ZNF24: variants seen among roughly 807,000 people sequenced by gnomAD.
ZNF24 encodes the protein retinoic acid suppression protein A.
In ZNF24, 11 loss-of-function variants were observed where a neutral mutation model predicts 40.9. The observed-to-expected ratio is 0.27, with a 90% CI of 0.17 to 0.45. The LOEUF is 0.45. Ranked by LOEUF, ZNF24 falls within the 20% of genes least tolerant of loss-of-function variation. The probability of loss-of-function intolerance (pLI) is 1.00; values close to 1 mark genes in which losing one functional copy is unlikely to be tolerated. For missense variants in ZNF24, 293 were observed against 437.7 expected (o/e 0.67, Z 2.95); for synonymous variants, 139 against 154.7 (o/e 0.90, Z 0.75).
intron 1 of ZNF24, among the ~76,000 whole-genome samples, chr18:35,343,441 G>A (rs2044987318): frequency 6.6e-6 from 1 of 152,052 alleles, no homozygotes; most frequent in African/African-American, 2.4e-5. Flanking sequence ...GATCATGCCC[G>A]TGCTGTTGTT....
rs755796361 is a variant in ZNF24 at position 35,339,937 on chromosome 18, C to T, written c.460G>A (p.Asp154Asn). 2 of 1,613,140 alleles carry T rather than the reference C, an allele frequency of 1.2e-6. No individual in the cohort carries two copies. The highest frequency in any genetic ancestry group is 1.7e-6 in the Non-Finnish European group (2 of 1,179,176). ...RRRKREVLVE[D>N]MVSQEEAQGL... ...TGAGCTTCTTCTTGAGATACCATGT[C>T]TTCTACTAGTACTTCCCGTTTTCGT... Residue 154 changes from aspartate to asparagine, a missense_variant, in exon 3 of 4, where the codon GAC becomes AAC. Physicochemically the swap from Asp to Asn is conservative, Grantham distance 23. Coordinates refer to ENST00000261332, the MANE Select transcript of ZNF24 (RefSeq NM_006965.4).
At chr18:35,342,361 A>T (rs1158513571) in intron 1 of ZNF24, 3 of 152,332 alleles carry the variant, frequency 2.0e-5, no homozygotes, top group East Asian at 3.9e-4. Context: ...AAGGTTAATT[A>T]TTGAAGAAAA....
chr18:35,340,180 T>C lies in ZNF24; in HGVS notation c.420+51A>G. The C allele has an allele frequency of 6.3e-7, 1 of 1,579,774 alleles. No individual in the cohort carries two copies. The highest frequency in any genetic ancestry group is 8.6e-7 in the Non-Finnish European group (1 of 1,158,008). Reference sequence around the variant, plus strand: ...GTGGAATTAATTCAGCAGCTTTGCCTACTACCTATGCCAGTGCTTCTGACA... The same window carrying C: ...GTGGAATTAATTCAGCAGCTTTGCCCACTACCTATGCCAGTGCTTCTGACA... On this transcript the variant is annotated intron_variant, in intron 2 of 3. Transcript: ENST00000261332. The surrounding 1 kb of genome is among the most constrained non-coding windows in gnomAD (Gnocchi z 4.6).
At chr18:35,338,524 T>C in intron 3 of ZNF24, 1 of 985,916 alleles carries the variant, frequency 1.0e-6, no homozygotes. Flanking sequence ...CAGGCAGAGA[T>C]AACAGCAAGT....
Position 35,340,016 on chromosome 18 carries a change from T to C in ZNF24, c.421-40A>G, listed in dbSNP as rs760160801. 9 of 1,586,214 alleles carry C rather than the reference T, an allele frequency of 5.7e-6. No homozygotes were observed. Among genetic ancestry groups the C allele is most frequent in the African/African-American group, 2.7e-5 (2 of 73,940 alleles). ...ATTTGATTCAGAGAAGGAACTGTAA[T>C]GAGAATCAGAACTAAAAACACGTAA... is the stretch of plus-strand genomic sequence containing the variant. On this transcript the variant is annotated intron_variant, in intron 2 of 3. Coordinates refer to ENST00000261332, the MANE Select transcript of ZNF24 (RefSeq NM_006965.4). The surrounding 1 kb of genome is among the most constrained non-coding windows in gnomAD (Gnocchi z 4.6).
At position 35,337,535 on chromosome 18, in the gene ZNF24, A is replaced by C; in HGVS notation, c.804T>G (p.Leu268=). The change falls in exon 4 of 4, where the codon CTT becomes CTG. Residue 268 remains leucine, a synonymous_variant. Coordinates refer to ENST00000261332, the MANE Select transcript of ZNF24 (RefSeq NM_006965.4). ...KHFSQGSALI[L]HQRIHSGEKP... The stretch of plus-strand genomic sequence containing the variant: ...TCTCCCCACTGTGAATTCTTTGATG[A>C]AGAATAAGGGCTGAGCCCTGACTGA... 1.2e-6 allele frequency: 2 copies of C among 1,614,168 alleles called. No homozygotes were observed. The highest frequency in any genetic ancestry group is 2.2e-5 in the South Asian group (2 of 91,078).
intron 1 of ZNF24, among the ~76,000 whole-genome samples, chr18:35,341,792 G>A (rs1019161222): frequency 3.3e-5 from 5 of 152,208 alleles, no homozygotes; most frequent in African/African-American, 1.2e-4. Context: ...GCTGAGGCAG[G>A]AGGATCACTA....
At position 35,336,630 on chromosome 18, in the gene ZNF24, A is replaced by AT. The variant is rs1412330597; in HGVS notation, c.*601dup. On this transcript the variant is annotated 3_prime_UTR_variant, in exon 4 of 4. Transcript: ENST00000261332. ...TCAATTCTTAGATCAAAGTATTTGC[A>AT]TATCTTCCCCAATCAAGGTGTTCCA... 6.6e-6 allele frequency: 1 copy of AT among 152,112 alleles called. No homozygotes were observed. The highest frequency in any genetic ancestry group is 1.5e-5 in the Non-Finnish European group (1 of 68,020). The allele number at this position is 152,112 out of a possible 1,614,324, so 9.4% of individuals were successfully genotyped here. A position where few individuals can be genotyped will look rare whatever the true frequency, so the allele number is the denominator to read the frequency against.
Position 35,336,333 on chromosome 18 carries a change from A to G in ZNF24, c.*899T>C, listed in dbSNP as rs369361735. On this transcript the variant is annotated 3_prime_UTR_variant, in exon 4 of 4. Coordinates refer to ENST00000261332, the MANE Select transcript of ZNF24 (RefSeq NM_006965.4). Reference sequence around the variant, plus strand: ...TCCTTAACAAAGATGAAGGCAAAATAATGATGAACTCTATCATCTTTTTCT... The same window carrying G: ...TCCTTAACAAAGATGAAGGCAAAATGATGATGAACTCTATCATCTTTTTCT... 12 of 152,700 alleles carry G rather than the reference A, an allele frequency of 7.9e-5. 1 individual carries two copies. The highest frequency in any genetic ancestry group is 5.9e-5 in the Non-Finnish European group (4 of 68,030). 9.5% of individuals were successfully genotyped at this position (152,700 alleles called of 1,614,324 possible).
rs1376035416 is a variant in ZNF24, at chr18:35,333,768, T to G, written c.*3464A>C. 1 of 152,234 alleles carries G rather than the reference T, an allele frequency of 6.6e-6. No individual in the cohort carries two copies. The highest frequency in any genetic ancestry group is 1.5e-5 in the Non-Finnish European group (1 of 68,030). The allele number at this position is 152,234 out of a possible 1,614,324, so 9.4% of individuals were successfully genotyped here. On this transcript the variant is annotated 3_prime_UTR_variant, in exon 4 of 4. Coordinates refer to ENST00000261332, the MANE Select transcript of ZNF24 (RefSeq NM_006965.4). ...CCAATAAATTTCTAGTTATTCATCC[T>G]ACAGAAATACCCACACAAGTAGCAA...
At position 35,340,386 on chromosome 18, in the gene ZNF24, C is replaced by T. The variant is rs1331916233; in HGVS notation, c.265G>A (p.Glu89Lys). ...AGCACTACCAGCTCCAAGATTTGTT[C>T]TTTTGTGTGCGTCTCTGGCCTGAGC... ...LWLRPETHTK[E>K]QILELVVLEQ... is the part of the protein sequence containing the mutation. The change falls in exon 2 of 4, where the codon GAA becomes AAA. Residue 89 changes from glutamate (E) to lysine (K), a missense_variant. Physicochemically the swap from Glu to Lys is moderately conservative, Grantham distance 56 (BLOSUM62 1). This residue lies in a region of ZNF24 where 234 missense variants were observed against 299.2 expected (regional missense o/e 0.78). Transcript: ENST00000261332. The surrounding 1 kb of genome is among the most constrained non-coding windows in gnomAD (Gnocchi z 4.6). 2 of 1,614,072 alleles carry T rather than the reference C, an allele frequency of 1.2e-6. No homozygotes were observed. Among genetic ancestry groups the T allele is most frequent in the African/African-American group, 2.7e-5 (2 of 74,908 alleles).
Position 35,339,992 on chromosome 18 carries a change from T to C in ZNF24, c.421-16A>G, listed in dbSNP as rs2044951941. 2 of 1,602,506 alleles carry C rather than the reference T, an allele frequency of 1.2e-6. No individual in the cohort carries two copies. Among genetic ancestry groups the C allele is most frequent in the Non-Finnish European group, 1.7e-6 (2 of 1,171,338 alleles). On this transcript the variant is annotated splice_polypyrimidine_tract_variant and intron_variant, in intron 2 of 3. Transcript: ENST00000261332. ...GGAGAGAAACCTGGAAACAGAAAGA[T>C]TTGATTCAGAGAAGGAACTGTAATG...
At chr18:35,342,303 G>A (rs1467503246) in intron 1 of ZNF24, among the ~76,000 whole-genome samples, 2 of 151,912 alleles carry the variant, frequency 1.3e-5, no homozygotes. Context: ...GAGTAAAAAA[G>A]TTAAAAAAAA....
chr18:35,334,163 T>A lies in ZNF24; in HGVS notation c.*3069A>T, dbSNP rs1381936289. On this transcript the variant is annotated 3_prime_UTR_variant, in exon 4 of 4. Coordinates refer to ENST00000261332, the MANE Select transcript of ZNF24 (RefSeq NM_006965.4). ...CTCGGTAACACTGTGAAAGGAAATA[T>A]CCTTTTTCATTTTACATTTCTGCAC... 6.6e-6 allele frequency: 1 copy of A among 152,178 alleles called. No homozygotes were observed. Among genetic ancestry groups the A allele is most frequent in the African/African-American group, 2.4e-5 (1 of 41,446 alleles). The allele number at this position is 152,178 out of a possible 1,614,324, so 9.4% of individuals were successfully genotyped here.
Position 35,333,990 on chromosome 18 carries a change from T to C in ZNF24, c.*3242A>G, listed in dbSNP as rs1259870379. On this transcript the variant is annotated 3_prime_UTR_variant, in exon 4 of 4. Transcript: ENST00000261332. Reference sequence around the variant, plus strand: ...TGAAATGGGGTTATGTCCTACTTTATACGGTAGCTGAGGATTAAGAGTTAA... The same window carrying C: ...TGAAATGGGGTTATGTCCTACTTTACACGGTAGCTGAGGATTAAGAGTTAA... 6.6e-6 allele frequency: 1 copy of C among 152,190 alleles called. No homozygotes were observed. The highest frequency in any genetic ancestry group is 2.4e-5 in the African/African-American group (1 of 41,424). 9.4% of individuals were successfully genotyped at this position (152,190 alleles called of 1,614,324 possible). A position where few individuals can be genotyped will look rare whatever the true frequency, so the allele number is the denominator to read the frequency against.
chr18:35,338,015 C>G (rs2143850978), intron 3 of ZNF24: 1 of 509,938 alleles, frequency 2.0e-6, no homozygotes, highest in African/African-American at 2.0e-5. Flanking sequence ...AGTCAGAAAA[C>G]AAAGGTCAGA....
rs1037927839 is a variant in ZNF24, at chr18:35,333,268, T to G, written c.*3964A>C. 8 of 152,226 alleles carry G rather than the reference T, an allele frequency of 5.3e-5. No homozygotes were observed. The highest frequency in any genetic ancestry group is 1.0e-4 in the Non-Finnish European group (7 of 68,030). The allele number at this position is 152,226 out of a possible 1,614,324, so 9.4% of individuals were successfully genotyped here. On this transcript the variant is annotated 3_prime_UTR_variant, in exon 4 of 4. Coordinates refer to ENST00000261332, the MANE Select transcript of ZNF24 (RefSeq NM_006965.4). ...ACCATTAAAGAAATTTAAAGACCTGTTATCTTTTTTTGAGACCAAAATTTT... is the reference window on the plus strand; with the variant it reads ...ACCATTAAAGAAATTTAAAGACCTGGTATCTTTTTTTGAGACCAAAATTTT...
intron 3 of ZNF24, among the ~76,000 whole-genome samples, chr18:35,339,332 C>T (rs1247268201): frequency 1.3e-5 from 2 of 152,062 alleles, no homozygotes; most frequent in Non-Finnish European, 2.9e-5. Flanking sequence ...AAAATTACTC[C>T]AAATATTTCT....
At position 35,336,269 on chromosome 18, in the gene ZNF24, G is replaced by C. The variant is rs1006572595; in HGVS notation, c.*963C>G. On this transcript the variant is annotated 3_prime_UTR_variant, in exon 4 of 4. Coordinates refer to ENST00000261332, the MANE Select transcript of ZNF24 (RefSeq NM_006965.4). ...TTTTGTACCAAAGGAATAAAAAATA[G>C]GTAACCTGATACTTGCCCACCTGTC... 3.9e-5 allele frequency: 6 copies of C among 152,610 alleles called. No individual in the cohort carries two copies. Among genetic ancestry groups the C allele is most frequent in the Non-Finnish European group, 7.3e-5 (5 of 68,028 alleles). 9.5% of individuals were successfully genotyped at this position (152,610 alleles called of 1,614,324 possible). A position where few individuals can be genotyped will look rare whatever the true frequency, so the allele number is the denominator to read the frequency against.
Sources: allele counts gnomAD v4.1 joint callset (sites outside exome capture counted in the v4.1 genomes callset), GRCh38; gene constraint gnomAD v4.1.1; regional missense constraint gnomAD v4.1.1; non-coding constraint Gnocchi (gnomAD v3.1); transcripts MANE v1.5; gene names NCBI Gene and HGNC (gene_info 2026-07-23, HGNC 2026-07-21).